The following KDM4C variants were observed in gnomAD, a reference collection of about 807,000 sequenced individuals.
KDM4C encodes the protein lysine-specific demethylase 4C.
A neutral mutation model predicts 129.3 loss-of-function variants in KDM4C; 81 were observed. The ratio of observed to expected loss-of-function variants is 0.63; its 90% confidence interval spans 0.52 to 0.75. The LOEUF is 0.75. Ranked by LOEUF, KDM4C falls within the 30% of genes least tolerant of loss-of-function variation. The pLI is 0.00. For synonymous variants in KDM4C, 573 were observed against 456.1 expected, an observed-to-expected ratio of 1.26 and a Z score of -3.26; for missense variants, 1,457 against 1,304.0, an observed-to-expected ratio of 1.12 and a Z score of -1.81.
intron 3 of KDM4C, among the ~76,000 whole-genome samples, chr9:6,810,965 A>G (rs1831036195): frequency 6.6e-6 from 1 of 152,182 alleles, no homozygotes; most frequent in Non-Finnish European, 1.5e-5. Context: ...AACTTTTGAA[A>G]TTCATATTTT....
chr9:6,815,968 A>G (rs947619973), intron 4 of KDM4C, among the ~76,000 whole-genome samples: 2 of 152,208 alleles, frequency 1.3e-5, no homozygotes, highest in South Asian at 4.1e-4. Flanking sequence ...ATAAGCATGT[A>G]TCTTTTAATG....
chr9:6,770,933 T>A (rs1423998780), intron 1 of KDM4C, among the ~76,000 whole-genome samples: 1 of 151,584 alleles, frequency 6.6e-6, no homozygotes, highest in Non-Finnish European at 1.5e-5. Flanking sequence ...ATGCCACCAC[T>A]CCCAGCTAAT....
chr9:6,924,229 A>G (rs1271065572), intron 8 of KDM4C, among the ~76,000 whole-genome samples: 2 of 152,318 alleles, frequency 1.3e-5, no homozygotes, highest in East Asian at 3.9e-4. Context: ...TGTTTAATCC[A>G]TCGTGACAGA....
intron 2 of KDM4C, among the ~76,000 whole-genome samples, chr9:6,795,519 A>G (rs935589451): frequency 6.6e-6 from 1 of 151,746 alleles, no homozygotes; most frequent in African/African-American, 2.4e-5. Flanking sequence ...TTTAGTAGAG[A>G]CAGGGTTTCA....
At chr9:7,102,138 G>C (rs978606768) in intron 17 of KDM4C, among the ~76,000 whole-genome samples, 2 of 152,022 alleles carry the variant, frequency 1.3e-5, no homozygotes, top group Non-Finnish European at 2.9e-5. Flanking sequence ...AATCAGTTAA[G>C]CCACATCCTC....
intron 8 of KDM4C, among the ~76,000 whole-genome samples, chr9:6,980,461 A>G (rs1482771562): frequency 6.6e-6 from 1 of 152,208 alleles, no homozygotes; most frequent in Non-Finnish European, 1.5e-5. Context: ...GTTAATAACC[A>G]TAAATATAAT....
intron 21 of KDM4C, among the ~76,000 whole-genome samples, chr9:7,171,515 C>T (rs1249547345): frequency 6.6e-6 from 1 of 152,102 alleles, no homozygotes; most frequent in Non-Finnish European, 1.5e-5. Context: ...TTTTTCAGCA[C>T]CTAGAGATTT....
In KDM4C at chr9:6,887,967, C is replaced by T. The variant is rs770434921; in HGVS notation, c.687C>T (p.Phe229=). 5.0e-6 allele frequency: 8 copies of T among 1,604,902 alleles called. No homozygotes were observed. The highest frequency in any genetic ancestry group is 6.8e-6 in the Non-Finnish European group (8 of 1,171,898). ...KRLERLAQGF[F]PSSSQGCDAF... is the part of the protein sequence containing the mutation. ...TTTATTGTTTCTTTTTAGGTTTTTT[C>T]CCAAGCAGCTCCCAAGGGTGTGATG... is the stretch of plus-strand genomic sequence containing the variant. The change falls in exon 7 of 22, where the codon TTC becomes TTT. Residue 229 remains phenylalanine (F), a synonymous_variant. Coordinates refer to ENST00000381309, the MANE Select transcript of KDM4C (RefSeq NM_015061.6).
chr9:7,133,618 G>A (rs542417982), intron 19 of KDM4C, among the ~76,000 whole-genome samples: 68 of 152,198 alleles, frequency 4.5e-4, no homozygotes, highest in Non-Finnish European at 8.4e-4. Flanking sequence ...TTGTTCCATT[G>A]CTTATTGCCT....
intron 18 of KDM4C, among the ~76,000 whole-genome samples, chr9:7,111,456 A>G (rs1442954611): frequency 1.3e-5 from 2 of 152,132 alleles, no homozygotes; most frequent in African/African-American, 2.4e-5. Context: ...CTGTACTATT[A>G]TTATCTTTTT....
chr9:6,881,362 T>C (rs1470582775), intron 6 of KDM4C, among the ~76,000 whole-genome samples: 1 of 152,212 alleles, frequency 6.6e-6, no homozygotes, highest in Non-Finnish European at 1.5e-5. Context: ...AATTGTAATC[T>C]TGAACTTTGT....
intron 5 of KDM4C, among the ~76,000 whole-genome samples, chr9:6,876,232 C>T (rs958560385): frequency 6.6e-6 from 1 of 152,126 alleles, no homozygotes; most frequent in African/African-American, 2.4e-5. Context: ...GCCTTGTAGC[C>T]ATCATTTACC....
intron 17 of KDM4C, among the ~76,000 whole-genome samples, chr9:7,059,395 G>A (rs371849863): frequency 4.5e-4 from 68 of 152,282 alleles, no homozygotes; most frequent in African/African-American, 1.5e-3. Flanking sequence ...AAGCCACCGC[G>A]CCTAGCCCTC....
intron 15 of KDM4C, among the ~76,000 whole-genome samples, chr9:7,034,487 T>G (rs993660959): frequency 3.3e-5 from 5 of 152,226 alleles, no homozygotes; most frequent in Non-Finnish European, 2.9e-5. Flanking sequence ...TTATTTCGCT[T>G]AATGTCCTCC....
chr9:6,865,995 C>T (rs542294624), intron 5 of KDM4C, among the ~76,000 whole-genome samples: 4 of 152,130 alleles, frequency 2.6e-5, no homozygotes, highest in South Asian at 2.1e-4. Context: ...CCTTGTGATC[C>T]GCCCGCCTCG....
chr9:6,967,784 T>C (rs1831262831), intron 8 of KDM4C, among the ~76,000 whole-genome samples: 1 of 152,238 alleles, frequency 6.6e-6, no homozygotes, highest in Non-Finnish European at 1.5e-5. Flanking sequence ...TACACATTAT[T>C]AGTACTCCAT....
intron 12 of KDM4C, among the ~76,000 whole-genome samples, chr9:7,008,346 G>A (rs1235811019): frequency 2.6e-5 from 4 of 152,262 alleles, no homozygotes; most frequent in South Asian, 2.1e-4. Context: ...TGTCAGGTCA[G>A]TACCCACATC....
chr9:6,980,262 G>A (rs533131594), intron 8 of KDM4C, among the ~76,000 whole-genome samples: 6 of 152,242 alleles, frequency 3.9e-5, no homozygotes, highest in African/African-American at 1.2e-4. Context: ...TGATAACTAT[G>A]TATTCATGAG....
rs143551820 is a variant in KDM4C at position 6,794,748 on chromosome 9, A to C, written c.144+1616A>C. Among the ~76,000 whole-genome samples, 135 of 152,294 alleles carry C rather than the reference A, an allele frequency of 8.9e-4. 1 individual carries two copies. Among genetic ancestry groups the C allele is most frequent in the African/African-American group, 3.1e-3 (129 of 41,544 alleles). The stretch of plus-strand genomic sequence containing the variant: ...CGGGTGCCAGATAATATTCTTAAAA[A>C]AAAATGGTAGTGACTTAAGCCTTGT... On this transcript the variant is annotated intron_variant, in intron 2 of 21. Coordinates refer to ENST00000381309, the MANE Select transcript of KDM4C (RefSeq NM_015061.6).
Sources: gnomAD v4.1 joint callset for allele counts (sites outside exome capture counted in the v4.1 genomes callset) on GRCh38, gnomAD v4.1.1 for gene constraint, MANE v1.5 for transcripts, NCBI Gene and HGNC (gene_info 2026-07-23, HGNC 2026-07-21) for gene names.